Variants in SF3B3 observed in about 807,000 individuals in gnomAD.
SF3B3 encodes SAP 130.
In SF3B3, 33 loss-of-function variants were observed where a neutral mutation model predicts 139.2. The observed-to-expected ratio is 0.24, with a 90% CI of 0.18 to 0.32. SF3B3 has a LOEUF of 0.32. Ranked by LOEUF, SF3B3 falls within the 10% of genes least tolerant of loss-of-function variation. The pLI, the probability that SF3B3 is intolerant of heterozygous loss-of-function variation, is 1.00. For missense variants in SF3B3, 818 were observed against 1,509.4 expected, an observed-to-expected ratio of 0.54 and a Z score of 7.59; for synonymous variants, 596 against 563.6, an observed-to-expected ratio of 1.06 and a Z score of -0.81.
chr16:70,530,446 A>C (rs1399696402), intron 3 of SF3B3, among the ~76,000 whole-genome samples: 1 of 151,802 alleles, frequency 6.6e-6, no homozygotes, highest in African/African-American at 2.4e-5. Flanking sequence ...CAGCCTCCCA[A>C]GTAGCTGGGA....
chr16:70,568,244 G>C, intron 21 of SF3B3, 39 bp from the exon 22 acceptor site: 1 of 1,510,492 alleles, frequency 6.6e-7, no homozygotes, highest in Non-Finnish European at 9.2e-7. Flanking sequence ...TGAACCCCAA[G>C]ATTACACCCA....
chr16:70,557,266 C>T (rs1398575651), intron 15 of SF3B3, among the ~76,000 whole-genome samples: 1 of 152,170 alleles, frequency 6.6e-6, no homozygotes, highest in Non-Finnish European at 1.5e-5. Flanking sequence ...TTGATAGCTA[C>T]TCTAAGTCAG....
At position 70,526,533 on chromosome 16, in the gene SF3B3, A is replaced by G; in HGVS notation, c.-70-54A>G. Reference sequence around the variant, plus strand: ...TTCATCCAGAATTTCCCATACAGAAATGTCTGTTGAAGTAATAGTCTCCCA... The same window carrying G: ...TTCATCCAGAATTTCCCATACAGAAGTGTCTGTTGAAGTAATAGTCTCCCA... On this transcript the variant is annotated intron_variant, in intron 1 of 25. Coordinates refer to ENST00000302516, the MANE Select transcript of SF3B3 (RefSeq NM_012426.5). 4.6e-6 allele frequency: 3 copies of G among 648,946 alleles called. No homozygotes were observed. The South Asian group carries it at 5.8e-5, about 13-fold the overall frequency. 40.2% of individuals were successfully genotyped at this position (648,946 alleles called of 1,614,324 possible). A position where few individuals can be genotyped will look rare whatever the true frequency, so the allele number is the denominator to read the frequency against.
At chr16:70,532,686 G>A (rs926166220) in intron 5 of SF3B3, 66 bp downstream of exon 5, 7 of 1,498,392 alleles carry the variant, frequency 4.7e-6, no homozygotes, top group South Asian at 3.5e-5. Context: ...AACCTAATAG[G>A]TTTTACTTAA....
chr16:70,529,318 C>T (rs1173920930), intron 3 of SF3B3, 119 bp downstream of exon 3: 1 of 792,824 alleles, frequency 1.3e-6, no homozygotes, highest in African/African-American at 1.7e-5. Context: ...TTTGGATTTA[C>T]TCTAGGTTTA....
rs1193894656 is a variant in SF3B3 at position 70,575,006 on chromosome 16, CGAG to C, written c.*3196_*3198del. The C allele has an allele frequency of 6.6e-6, 1 of 152,012 alleles. No homozygotes were observed. The highest frequency in any genetic ancestry group is 2.4e-5 in the African/African-American group (1 of 41,390). The allele number at this position is 152,012 out of a possible 1,614,324, so 9.4% of individuals were successfully genotyped here. ...ACGGAGGAAAGGAATAGATGGCTCTCGAGGACAAGATAGGGACTCTTAAAACAC... is the reference window on the plus strand; with the variant it reads ...ACGGAGGAAAGGAATAGATGGCTCTCGACAAGATAGGGACTCTTAAAACAC... On this transcript the variant is annotated 3_prime_UTR_variant, in exon 26 of 26. Transcript: ENST00000302516.
chr16:70,538,217 C>A, intron 6 of SF3B3, 106 bp from the exon 7 acceptor site: 1 of 1,009,366 alleles, frequency 9.9e-7, no homozygotes, highest in Non-Finnish European at 1.6e-6. Flanking sequence ...AAGCTTGTGC[C>A]TTTAGGCCTT....
intron 20 of SF3B3, among the ~76,000 whole-genome samples, chr16:70,566,400 T>TA (rs762143543): frequency 1.2e-4 from 18 of 151,472 alleles, no homozygotes; most frequent in Non-Finnish European, 2.5e-4. Flanking sequence ...CCATCTCTAT[T>TA]AAAAATAAAA....
intron 9 of SF3B3, among the ~76,000 whole-genome samples, chr16:70,542,704 ATTTCTTTTTT>A (rs1290775688): frequency 6.7e-6 from 1 of 149,712 alleles, no homozygotes; most frequent in African/African-American, 2.5e-5. Flanking sequence ...AATGTGACTA[ATTTCTTTTTT>A]TTTCTTTTTT....
Position 70,571,662 on chromosome 16 carries a change from C to T in SF3B3, c.3514-11C>T. On this transcript the variant is annotated splice_polypyrimidine_tract_variant and intron_variant, in intron 25 of 25. Transcript: ENST00000302516. ...ACCATTTTTTTTCTTTCTGCTTTCTCCATATCTTAGAATGTGATTGATGGA... is the reference window on the plus strand; with the variant it reads ...ACCATTTTTTTTCTTTCTGCTTTCTTCATATCTTAGAATGTGATTGATGGA... 1 of 1,604,846 alleles carries T rather than the reference C, an allele frequency of 6.2e-7. No individual in the cohort carries two copies. The highest frequency in any genetic ancestry group is 8.5e-7 in the Non-Finnish European group (1 of 1,176,920).
chr16:70,525,957 CAAAAA>C (rs920550920), intron 1 of SF3B3, among the ~76,000 whole-genome samples: 1 of 42,266 alleles, frequency 2.4e-5, no homozygotes, highest in Non-Finnish European at 4.6e-5. Flanking sequence ...TGAGACGCCT[CAAAAA>C]AAAAAAAAAA....
At position 70,556,067 on chromosome 16, in the gene SF3B3, A is replaced by G. The variant is rs2050377368; in HGVS notation, c.1711-112A>G. ...AGTAAGAGGAGTGAGAGGAAGCAGA[A>G]CAAAATACAACAGCCCTCCTTCATT... On this transcript the variant is annotated intron_variant, in intron 13 of 25. Coordinates refer to ENST00000302516, the MANE Select transcript of SF3B3 (RefSeq NM_012426.5). The G allele has an allele frequency of 1.8e-5, 19 of 1,079,014 alleles. No individual in the cohort carries two copies. The South Asian group carries it at 2.7e-4, about 15-fold the overall frequency. 66.8% of individuals were successfully genotyped at this position (1,079,014 alleles called of 1,614,324 possible). A position where few individuals can be genotyped will look rare whatever the true frequency, so the allele number is the denominator to read the frequency against.
intron 5 of SF3B3, among the ~76,000 whole-genome samples, chr16:70,534,244 C>G (rs1208030138): frequency 1.3e-5 from 2 of 151,976 alleles, no homozygotes; most frequent in African/African-American, 4.8e-5. Context: ...TTTACAAAAG[C>G]CTAAATACAA....
At position 70,528,618 on chromosome 16, in the gene SF3B3, CCTGA is replaced by C. The variant is rs1383733992; in HGVS notation, c.71-252_71-249del. ...GGGACTAGAGGCACAGGCCATCACACCTGACTAATTTTTTTTTGAGACGGAGTTT... is the reference window on the plus strand; with the variant it reads ...GGGACTAGAGGCACAGGCCATCACACCTAATTTTTTTTTGAGACGGAGTTT... On this transcript the variant is annotated intron_variant, in intron 2 of 25. Coordinates refer to ENST00000302516, the MANE Select transcript of SF3B3 (RefSeq NM_012426.5). 4.6e-5 allele frequency among the ~76,000 whole-genome samples: 7 copies of C among 151,920 alleles called. No homozygotes were observed. The East Asian group carries it at 9.8e-4, about 21-fold the overall frequency.
At chr16:70,529,268 G>T in intron 3 of SF3B3, 69 bp downstream of exon 3, 1 of 1,290,526 alleles carries the variant, frequency 7.7e-7, no homozygotes, top group Non-Finnish European at 1.1e-6. Flanking sequence ...TTGGTGGTGT[G>T]CCAGTGCCAA....
intron 18 of SF3B3, 53 bp from the exon 19 acceptor site, chr16:70,565,012 C>A: frequency 6.4e-7 from 1 of 1,560,976 alleles, no homozygotes; most frequent in Non-Finnish European, 8.8e-7. Flanking sequence ...CTCTTCTCAG[C>A]CAGCCCCTAC....
At chr16:70,537,821 C>T (rs1362832760) in intron 6 of SF3B3, among the ~76,000 whole-genome samples, 1 of 152,082 alleles carries the variant, frequency 6.6e-6, no homozygotes, top group East Asian at 1.9e-4. Flanking sequence ...GCCTCTGATC[C>T]CCAGCTACTT....
intron 9 of SF3B3, among the ~76,000 whole-genome samples, chr16:70,542,806 C>T (rs1224380516): frequency 6.7e-6 from 1 of 149,268 alleles, no homozygotes; most frequent in African/African-American, 2.5e-5. Context: ...ACTGCAAGTT[C>T]CGCCTCCCAG....
At chr16:70,534,008 A>T (rs779140991) in intron 5 of SF3B3, among the ~76,000 whole-genome samples, 1 of 152,218 alleles carries the variant, frequency 6.6e-6, no homozygotes, top group Non-Finnish European at 1.5e-5. Context: ...TTTGTGCAAG[A>T]TTGAGTCTGG....
Sources: gnomAD v4.1 joint callset for allele counts (sites outside exome capture counted in the v4.1 genomes callset) on GRCh38, gnomAD v4.1.1 for gene constraint, MANE v1.5 for transcripts, NCBI Gene and HGNC (gene_info 2026-07-23, HGNC 2026-07-21) for gene names.